The following DCAF7 variants were observed in gnomAD, a reference collection of about 807,000 sequenced individuals.
DCAF7 encodes the protein DDB1 and CUL4 associated factor 7.
Under a neutral mutation model 41.2 loss-of-function variants are expected in DCAF7, and 4 were observed. The ratio of observed to expected loss-of-function variants is 0.10; its 90% confidence interval spans 0.05 to 0.22. The LOEUF is 0.22. DCAF7 is among the 10% of genes least tolerant of loss of function. The probability of loss-of-function intolerance (pLI) is 1.00; values close to 1 mark genes in which losing one functional copy is unlikely to be tolerated. For missense variants in DCAF7, 131 were observed against 443.2 expected, an observed-to-expected ratio of 0.30 and a Z score of 6.32; for synonymous variants, 143 against 164.2, an observed-to-expected ratio of 0.87 and a Z score of 0.99.
chr17:63,572,520 G>A (rs114818574), intron 1 of DCAF7, among the ~76,000 whole-genome samples: 97 of 152,320 alleles, frequency 6.4e-4, no homozygotes, highest in African/African-American at 2.3e-3. Context: ...AGTGTCAAAT[G>A]CTCACAAGAT....
rs1439774312 is a variant in DCAF7 at position 63,578,773 on chromosome 17, G to A, written c.297+145G>A. 5 of 1,135,778 alleles carry A rather than the reference G, an allele frequency of 4.4e-6. No homozygotes were observed. The East Asian group carries it at 1.2e-4, about 27-fold the overall frequency. The allele number at this position is 1,135,778 out of a possible 1,614,324, so 70.4% of individuals were successfully genotyped here. A position where few individuals can be genotyped will look rare whatever the true frequency, so the allele number is the denominator to read the frequency against. ...AAGCAAGCGAAGCTTAAATGGACTG[G>A]CCTCGTTTGGCTCAGCAGATTTTCT... is the stretch of plus-strand genomic sequence containing the variant. On this transcript the variant is annotated intron_variant, in intron 2 of 6. Coordinates refer to ENST00000614556, the MANE Select transcript of DCAF7 (RefSeq NM_005828.5).
chr17:63,554,684 T>G (rs1446236931), intron 1 of DCAF7, among the ~76,000 whole-genome samples: 2 of 152,244 alleles, frequency 1.3e-5, no homozygotes, highest in African/African-American at 4.8e-5. Context: ...GTTCAAAGAT[T>G]AAATGAGTTA....
At chr17:63,587,933 C>A (rs1428153096) in intron 6 of DCAF7, among the ~76,000 whole-genome samples, 1 of 148,718 alleles carries the variant, frequency 6.7e-6, no homozygotes, top group Non-Finnish European at 1.5e-5. Flanking sequence ...TTGCAGTGAG[C>A]CGAGATTGCA....
Position 63,589,313 on chromosome 17 carries a change from G to A in DCAF7, c.*141G>A. 1 of 1,177,048 alleles carries A rather than the reference G, an allele frequency of 8.5e-7. No homozygotes were observed. Among genetic ancestry groups the A allele is most frequent in the South Asian group, 1.3e-5 (1 of 76,928 alleles). The allele number at this position is 1,177,048 out of a possible 1,614,324, so 72.9% of individuals were successfully genotyped here. A position where few individuals can be genotyped will look rare whatever the true frequency, so the allele number is the denominator to read the frequency against. On this transcript the variant is annotated 3_prime_UTR_variant, in exon 7 of 7. Coordinates refer to ENST00000614556, the MANE Select transcript of DCAF7 (RefSeq NM_005828.5). ...CCCACTGTTACCAGAAGCTGCTCTAGGAGTTCCTGGCCAGTCACCCCATCG... is the reference window on the plus strand; with the variant it reads ...CCCACTGTTACCAGAAGCTGCTCTAAGAGTTCCTGGCCAGTCACCCCATCG...
Position 63,568,360 on chromosome 17 carries a change from G to A in DCAF7, c.139-10110G>A, listed in dbSNP as rs77278256. On this transcript the variant is annotated intron_variant, in intron 1 of 6. Transcript: ENST00000614556. ...TGGGCATGCCCTAAGATATTCCAGA[G>A]AAGCTTTGCATTTTATTCGGGGTAC... is the stretch of plus-strand genomic sequence containing the variant. Among the ~76,000 whole-genome samples, 1,260 of 152,276 alleles carry A rather than the reference G, an allele frequency of 8.3e-3. 18 individuals are homozygous for A. Among genetic ancestry groups the A allele is most frequent in the Middle Eastern group, 0.031 (9 of 294 alleles).
At chr17:63,557,003 G>T (rs1217036953) in intron 1 of DCAF7, among the ~76,000 whole-genome samples, 1 of 152,114 alleles carries the variant, frequency 6.6e-6, no homozygotes, top group East Asian at 1.9e-4. Context: ...ACTCCCGCTG[G>T]GGTGACAGAG....
At chr17:63,557,034 C>CA (rs2033319004) in intron 1 of DCAF7, among the ~76,000 whole-genome samples, 2 of 151,660 alleles carry the variant, frequency 1.3e-5, no homozygotes, top group South Asian at 2.1e-4. Context: ...ATCTCAAAAC[C>CA]AAAAAAACAA....
chr17:63,587,751 T>A (rs990109142), intron 6 of DCAF7, among the ~76,000 whole-genome samples: 7 of 152,260 alleles, frequency 4.6e-5, no homozygotes, highest in Admixed American at 4.6e-4. Flanking sequence ...CATGGCAGAG[T>A]CAGGGTACAC....
chr17:63,575,331 A>G (rs2147771975), intron 1 of DCAF7, among the ~76,000 whole-genome samples: 1 of 152,346 alleles, frequency 6.6e-6, no homozygotes, highest in Admixed American at 6.5e-5. Context: ...ACTCAGTCTC[A>G]GAAAAAGAAA....
At position 63,588,189 on chromosome 17, in the gene DCAF7, A is replaced by ATT. The variant is rs377638787; in HGVS notation, c.857-796_857-795dup. Among the ~76,000 whole-genome samples the ATT allele has an allele frequency of 7.7e-4, 93 of 120,216 alleles. 1 individual carries two copies. The highest frequency in any genetic ancestry group is 1.1e-3 in the Non-Finnish European group (65 of 61,452). 78.9% of individuals were successfully genotyped at this position (120,216 alleles called of 152,430 possible). A position where few individuals can be genotyped will look rare whatever the true frequency, so the allele number is the denominator to read the frequency against. On this transcript the variant is annotated intron_variant, in intron 6 of 6. Coordinates refer to ENST00000614556, the MANE Select transcript of DCAF7 (RefSeq NM_005828.5). ...GTGTTTCCCATAGCTATTTTCTTGG[A>ATT]TTTTTTTTTTTTTTTTGAGATGAAG...
chr17:63,579,257 T>C (rs1254603520), intron 2 of DCAF7, 80 bp from the exon 3 acceptor site: 31 of 950,976 alleles, frequency 3.3e-5, no homozygotes, highest in Non-Finnish European at 2.4e-5. Context: ...TGCTAAGATA[T>C]TTTCTAAACA....
rs1288905945 is a variant in DCAF7, at chr17:63,589,839, C to G, written c.*667C>G. The G allele has an allele frequency of 6.5e-6, 1 of 154,330 alleles. No homozygotes were observed. Among genetic ancestry groups the G allele is most frequent in the Non-Finnish European group, 1.4e-5 (1 of 69,300 alleles). 9.6% of individuals were successfully genotyped at this position (154,330 alleles called of 1,614,324 possible). Reference sequence around the variant, plus strand: ...CACTGCCTGTGTAGTACATACCTGACCGGGAGTCCAAACCACCTTGGTGCT... The same window carrying G: ...CACTGCCTGTGTAGTACATACCTGAGCGGGAGTCCAAACCACCTTGGTGCT... On this transcript the variant is annotated 3_prime_UTR_variant, in exon 7 of 7. Coordinates refer to ENST00000614556, the MANE Select transcript of DCAF7 (RefSeq NM_005828.5).
chr17:63,588,922 A>C (rs2033705914), intron 6 of DCAF7, 78 bp from the exon 7 acceptor site: 4 of 1,462,864 alleles, frequency 2.7e-6, no homozygotes, highest in Non-Finnish European at 3.7e-6. Context: ...GTAAACTGTG[A>C]CTTGCTCCTG....
intron 1 of DCAF7, among the ~76,000 whole-genome samples, chr17:63,553,662 G>A (rs1568096001): frequency 1.3e-5 from 2 of 152,172 alleles, no homozygotes; most frequent in Admixed American, 6.5e-5. Context: ...TAACACTGAT[G>A]AAAAAGGCTA....
chr17:63,551,118 A>G (rs1184988846), intron 1 of DCAF7, among the ~76,000 whole-genome samples: 1 of 152,172 alleles, frequency 6.6e-6, no homozygotes, highest in Non-Finnish European at 1.5e-5. Flanking sequence ...CGCCCCAAAG[A>G]TACTCCATTT....
At position 63,586,550 on chromosome 17, in the gene DCAF7, G is replaced by A. The variant is rs140882752; in HGVS notation, c.856+1222G>A. 5.0e-3 allele frequency among the ~76,000 whole-genome samples: 758 copies of A among 152,198 alleles called. 9 individuals carry two copies. Among genetic ancestry groups the A allele is most frequent in the African/African-American group, 0.018 (735 of 41,534 alleles). The stretch of plus-strand genomic sequence containing the variant: ...GGAGGCCGAGGCAGGTGGATCACGA[G>A]GTCAGGAGATCAAGACCATCCTGGC... On this transcript the variant is annotated intron_variant, in intron 6 of 6. Transcript: ENST00000614556.
chr17:63,583,450 G>C, intron 4 of DCAF7, 52 bp from the exon 5 acceptor site: 1 of 1,519,520 alleles, frequency 6.6e-7, no homozygotes, highest in Non-Finnish European at 9.1e-7. Context: ...CCTCCTATAG[G>C]AAGAAGAGGT....
At chr17:63,581,448 C>T (rs1245543250) in intron 4 of DCAF7, among the ~76,000 whole-genome samples, 1 of 152,160 alleles carries the variant, frequency 6.6e-6, no homozygotes, top group African/African-American at 2.4e-5. Context: ...GCCAGAGGGA[C>T]CATGGGAGGA....
At chr17:63,556,696 G>C (rs550378790) in intron 1 of DCAF7, among the ~76,000 whole-genome samples, 1 of 151,616 alleles carries the variant, frequency 6.6e-6, no homozygotes, top group East Asian at 1.9e-4. Flanking sequence ...GTGAAACCCC[G>C]GCTCTACTAA....
Sources: gnomAD v4.1 joint callset for allele counts (sites outside exome capture counted in the v4.1 genomes callset) on GRCh38, gnomAD v4.1.1 for gene constraint, MANE v1.5 for transcripts, NCBI Gene and HGNC (gene_info 2026-07-23, HGNC 2026-07-21) for gene names.